Variants in TRIP12 observed in about 807,000 individuals in gnomAD.
TRIP12 encodes E3 ubiquitin-protein ligase TRIP12.
A neutral mutation model predicts 244.2 loss-of-function variants in TRIP12; 25 were observed. That is an observed-to-expected ratio of 0.10 (90% CI 0.07 to 0.14). TRIP12 has a LOEUF of 0.14. TRIP12 is among the 10% of genes least tolerant of loss of function. TRIP12 has a pLI of 1.00. For synonymous variants in TRIP12, 905 were observed against 873.1 expected (o/e 1.04, Z -0.64); for missense variants, 1,677 against 2,486.4 (o/e 0.67, Z 6.92).
At chr2:229,867,166 TGTTTG>T in intron 2 of TRIP12, among the ~76,000 whole-genome samples, 1 of 56,496 alleles carries the variant, frequency 1.8e-5, no homozygotes, top group African/African-American at 4.2e-5. Context: ...TTTGTTTGTT[TGTTTG>T]TTTTTTTTTT....
chr2:229,819,564 TA>T (rs1196669806), intron 8 of TRIP12, among the ~76,000 whole-genome samples: 1 of 152,164 alleles, frequency 6.6e-6, no homozygotes, highest in Non-Finnish European at 1.5e-5. Context: ...TAATTAATTT[TA>T]AAAAATAAAG....
At chr2:229,812,334 G>A (rs1048062084) in intron 13 of TRIP12, among the ~76,000 whole-genome samples, 1 of 152,124 alleles carries the variant, frequency 6.6e-6, no homozygotes, top group Admixed American at 6.5e-5. Flanking sequence ...ACCTGCCTTG[G>A]CCTCCCAAAG....
chr2:229,836,460 C>T (rs2054843111), intron 6 of TRIP12, among the ~76,000 whole-genome samples: 1 of 152,068 alleles, frequency 6.6e-6, no homozygotes, highest in South Asian at 2.1e-4. Flanking sequence ...AGCTAAGGTT[C>T]AAACTGAATA....
At chr2:229,828,877 C>A (rs1335118122) in intron 8 of TRIP12, among the ~76,000 whole-genome samples, 3 of 152,164 alleles carry the variant, frequency 2.0e-5, no homozygotes, top group Non-Finnish European at 4.4e-5. Context: ...TTTATCCTCT[C>A]ACCTTGACAA....
At chr2:229,900,507 A>AT (rs2070396753) in intron 1 of TRIP12, among the ~76,000 whole-genome samples, 2 of 152,198 alleles carry the variant, frequency 1.3e-5, no homozygotes, top group South Asian at 4.1e-4. Context: ...TTTTCAGTTG[A>AT]TAAGATTTTT....
In TRIP12 at chr2:229,796,757, A is replaced by G. The variant is rs768092898; in HGVS notation, c.3650T>C (p.Val1217Ala). The change falls in exon 25 of 42, where the codon GTA becomes GCA. Residue 1217 changes from valine to alanine, a missense_variant. Physicochemically the swap from Val to Ala is moderately conservative, Grantham distance 64. Coordinates refer to ENST00000675903, the MANE Select transcript of TRIP12 (RefSeq NM_001348323.3). ...LQVDGGAECL[V>A]EIRSIVSESD... ...CTCTGAGACTATGCTACGGATTTCT[A>G]CAAGGCACTCAGCTCCACCATCCAC... The G allele has an allele frequency of 3.1e-6, 5 of 1,597,592 alleles. No individual in the cohort carries two copies. The East Asian group carries it at 9.0e-5, about 29-fold the overall frequency.
intron 34 of TRIP12, among the ~76,000 whole-genome samples, chr2:229,779,546 C>T (rs545160660): frequency 6.6e-6 from 1 of 152,310 alleles, no homozygotes; most frequent in South Asian, 2.1e-4. Context: ...TAGTACCTGA[C>T]ACACAGTAGC....
At chr2:229,878,538 T>A (rs1325580453) in intron 2 of TRIP12, among the ~76,000 whole-genome samples, 2 of 151,786 alleles carry the variant, frequency 1.3e-5, no homozygotes, top group African/African-American at 4.8e-5. Context: ...TAGTCTGACA[T>A]CACCATGATG....
chr2:229,880,074 G>A lies in TRIP12; in HGVS notation c.6C>T (p.Ser2=). ...CCCCTGGATTGTTATTAGGCCGGTT[G>A]GACATTGGCACCTCTCTCTTGAAGG... M[S]NRPNNNPGGS... is the part of the protein sequence containing the mutation. Residue 2 remains serine, a synonymous_variant, in exon 2 of 42, where the codon TCC becomes TCT. Transcript: ENST00000675903. 1 of 1,613,970 alleles carries A rather than the reference G, an allele frequency of 6.2e-7. No individual in the cohort carries two copies. Among genetic ancestry groups the A allele is most frequent in the East Asian group, 2.2e-5 (1 of 44,870 alleles).
chr2:229,841,363 G>A (rs1393230117), intron 4 of TRIP12, among the ~76,000 whole-genome samples: 2 of 152,170 alleles, frequency 1.3e-5, no homozygotes, highest in African/African-American at 4.8e-5. Context: ...TAAGGTATGA[G>A]AGAATAAAAT....
At chr2:229,768,768 A>G in intron 40 of TRIP12, 49 bp from the exon 41 acceptor site, 1 of 1,508,262 alleles carries the variant, frequency 6.6e-7, no homozygotes, top group South Asian at 1.2e-5. Context: ...GTTAAAATAG[A>G]GTTTTAATCA....
At chr2:229,794,256 A>G (rs2154261950) in intron 26 of TRIP12, among the ~76,000 whole-genome samples, 1 of 152,294 alleles carries the variant, frequency 6.6e-6, no homozygotes, top group African/African-American at 2.4e-5. Flanking sequence ...AAATGTTTTT[A>G]AAACGTCAAA....
chr2:229,803,291 T>C (rs934641503), intron 20 of TRIP12, among the ~76,000 whole-genome samples: 1 of 152,210 alleles, frequency 6.6e-6, no homozygotes, highest in Non-Finnish European at 1.5e-5. Context: ...TTTTTGTATT[T>C]TTCTTAAAGA....
At chr2:229,836,747 G>C (rs2054921921) in intron 6 of TRIP12, 101 bp downstream of exon 6, 1 of 1,324,392 alleles carries the variant, frequency 7.6e-7, no homozygotes, top group African/African-American at 1.5e-5. Flanking sequence ...AACAGAACAA[G>C]AAGTTTATAC....
chr2:229,795,169 T>C lies in TRIP12; in HGVS notation c.3968+10A>G. 1.2e-6 allele frequency: 2 copies of C among 1,612,048 alleles called. No individual in the cohort carries two copies. Among genetic ancestry groups the C allele is most frequent in the Non-Finnish European group, 1.7e-6 (2 of 1,179,072 alleles). ...CAGTGGCAAGGGTATAGCCAGGCAA[T>C]GGTCCTTACCTGCCTCCTGTCCCAT... On this transcript the variant is annotated intron_variant, in intron 26 of 41. Coordinates refer to ENST00000675903, the MANE Select transcript of TRIP12 (RefSeq NM_001348323.3).
chr2:229,805,657 A>G (rs929128327), intron 18 of TRIP12, 73 bp downstream of exon 18: 28 of 1,351,804 alleles, frequency 2.1e-5, no homozygotes, highest in African/African-American at 5.7e-5. Context: ...TTAATAAGCC[A>G]ATTATTATTT....
chr2:229,920,103 T>C (rs180762879), intron 1 of TRIP12, among the ~76,000 whole-genome samples: 8 of 152,326 alleles, frequency 5.3e-5, no homozygotes, highest in African/African-American at 1.9e-4. Flanking sequence ...AGGCCTCATA[T>C]ACAGGCCTCT....
intron 1 of TRIP12, among the ~76,000 whole-genome samples, chr2:229,885,073 A>G (rs991767967): frequency 6.6e-6 from 1 of 152,036 alleles, no homozygotes; most frequent in Non-Finnish European, 1.5e-5. Context: ...ACATAATACC[A>G]CATATTTACT....
chr2:229,772,919 C>T (rs1047599888), intron 38 of TRIP12, among the ~76,000 whole-genome samples: 1 of 152,084 alleles, frequency 6.6e-6, no homozygotes, highest in East Asian at 1.9e-4. Flanking sequence ...AAATCCAATG[C>T]CCCTTCCACC....
Sources: gnomAD v4.1 joint callset for allele counts (sites outside exome capture counted in the v4.1 genomes callset) on GRCh38, gnomAD v4.1.1 for gene constraint, MANE v1.5 for transcripts, NCBI Gene and HGNC (gene_info 2026-07-23, HGNC 2026-07-21) for gene names.